RAD51B: variants seen among roughly 807,000 people sequenced by gnomAD.
RAD51B encodes the protein DNA repair protein RAD51 homolog 2.
In RAD51B, 38 loss-of-function variants were observed where a neutral mutation model predicts 42.2. That is an observed-to-expected ratio of 0.90 (90% CI 0.70 to 1.18). RAD51B has a LOEUF of 1.18. RAD51B is among the 50% of genes most tolerant of loss of function. The pLI, the probability that RAD51B is intolerant of heterozygous loss-of-function variation, is 0.00. For synonymous variants in RAD51B, 154 were observed against 145.2 expected (o/e 1.06, Z -0.43); for missense variants, 373 against 400.7 (o/e 0.93, Z 0.59).
At chr14:68,610,116 C>T (rs1891618262) in intron 10 of RAD51B, among the ~76,000 whole-genome samples, 1 of 152,178 alleles carries the variant, frequency 6.6e-6, no homozygotes, top group Non-Finnish European at 1.5e-5. Context: ...CCCTGCAGAA[C>T]TTCTCACGAA....
intron 7 of RAD51B, among the ~76,000 whole-genome samples, chr14:67,999,990 G>C (rs1197572404): frequency 1.3e-5 from 2 of 151,490 alleles, no homozygotes; most frequent in Non-Finnish European, 2.9e-5. Flanking sequence ...AAGCAATTTA[G>C]GTCTTAAAAA....
intron 8 of RAD51B, among the ~76,000 whole-genome samples, chr14:68,369,346 C>G (rs998593832): frequency 1.3e-5 from 2 of 152,222 alleles, no homozygotes; most frequent in African/African-American, 4.8e-5. Context: ...TGCCCTTCAG[C>G]ACACCGGCTC....
chr14:68,398,304 G>A (rs532913030), intron 8 of RAD51B, among the ~76,000 whole-genome samples: 44 of 152,324 alleles, frequency 2.9e-4, no homozygotes, highest in African/African-American at 1.0e-3. Flanking sequence ...ATGCACTTAG[G>A]CACTCTGGAG....
intron 3 of RAD51B, among the ~76,000 whole-genome samples, chr14:67,834,606 TAC>T (rs2041168028): frequency 1.3e-5 from 2 of 152,166 alleles, no homozygotes; most frequent in African/African-American, 4.8e-5. Context: ...ACTGTATATT[TAC>T]AGTTTGTGTT....
chr14:68,549,201 C>A lies in RAD51B; in HGVS notation c.1037-45284C>A, dbSNP rs1024181456. On this transcript the variant is annotated intron_variant, in intron 10 of 10. Coordinates refer to the RAD51B transcript ENST00000487270. ...CTCCAAGGCTGGTGACTGAGTCAGA[C>A]TTGGAACATCCCCGTTTTTGAGCCA... Among the ~76,000 whole-genome samples the A allele has an allele frequency of 2.6e-5, 4 of 151,872 alleles. No homozygotes were observed. The South Asian group carries it at 6.3e-4, about 24-fold the overall frequency.
intron 8 of RAD51B, among the ~76,000 whole-genome samples, chr14:68,393,124 G>A (rs935249325): frequency 6.6e-6 from 1 of 152,214 alleles, no homozygotes; most frequent in Admixed American, 6.5e-5. Context: ...AGTGCTTTGA[G>A]CTGCTGGGAA....
chr14:68,055,262 A>G (rs994461179), intron 7 of RAD51B, among the ~76,000 whole-genome samples: 1 of 152,214 alleles, frequency 6.6e-6, no homozygotes, highest in African/African-American at 2.4e-5. Context: ...CATGTTCAGT[A>G]TAGCTAATTT....
At chr14:67,849,350 C>T (rs776236603) in intron 4 of RAD51B, among the ~76,000 whole-genome samples, 71 of 152,184 alleles carry the variant, frequency 4.7e-4, no homozygotes, top group Non-Finnish European at 8.2e-4. Flanking sequence ...GGCGCAAACT[C>T]GACTCACTGC....
At chr14:68,666,435 T>C (rs1012698440) in intron 11 of RAD51B, among the ~76,000 whole-genome samples, 6 of 152,244 alleles carry the variant, frequency 3.9e-5, no homozygotes, top group Non-Finnish European at 7.3e-5. Flanking sequence ...GGGCCAGCAA[T>C]AGATCTGTAC....
At chr14:67,971,883 G>A (rs913010320) in intron 7 of RAD51B, among the ~76,000 whole-genome samples, 3 of 151,888 alleles carry the variant, frequency 2.0e-5, no homozygotes, top group Non-Finnish European at 2.9e-5. Flanking sequence ...ATTGAGTTCA[G>A]TGGAGGCAAA....
intron 7 of RAD51B, among the ~76,000 whole-genome samples, chr14:68,096,795 G>A (rs1256209314): frequency 1.3e-5 from 2 of 149,786 alleles, no homozygotes; most frequent in African/African-American, 2.6e-5. Context: ...AGCTGCAAAG[G>A]AATAAATGAT....
chr14:67,932,862 A>G (rs1453848865), intron 7 of RAD51B, among the ~76,000 whole-genome samples: 1 of 152,144 alleles, frequency 6.6e-6, no homozygotes, highest in Non-Finnish European at 1.5e-5. Context: ...CACAGTTACT[A>G]CTTACAGCCC....
intron 7 of RAD51B, among the ~76,000 whole-genome samples, chr14:68,162,900 C>T (rs1433321201): frequency 6.6e-6 from 1 of 152,184 alleles, no homozygotes; most frequent in African/African-American, 2.4e-5. Context: ...AATTTTCTTC[C>T]TGTAAGCATG....
chr14:68,052,798 T>G lies in RAD51B; in HGVS notation c.756+165594T>G, dbSNP rs566478667. 3.9e-4 allele frequency among the ~76,000 whole-genome samples: 56 copies of G among 141,972 alleles called. 1 individual carries two copies. The highest frequency in any genetic ancestry group is 1.2e-3 in the African/African-American group (40 of 34,016). 93.1% of individuals were successfully genotyped at this position (141,972 alleles called of 152,430 possible). A position where few individuals can be genotyped will look rare whatever the true frequency, so the allele number is the denominator to read the frequency against. ...ACCATGCCTGGCTATTTTTTTGTGT[T>G]TTTTTTTTTTTCTTTTGTAGAGACA... On this transcript the variant is annotated intron_variant, in intron 7 of 10. Transcript: ENST00000471583.
chr14:68,475,826 G>C (rs1401079475), intron 10 of RAD51B, among the ~76,000 whole-genome samples: 2 of 152,168 alleles, frequency 1.3e-5, no homozygotes, highest in African/African-American at 4.8e-5. Context: ...TCTTTGCAGA[G>C]TTAACAATTT....
chr14:68,433,386 A>G (rs2085064273), intron 9 of RAD51B, among the ~76,000 whole-genome samples: 1 of 152,130 alleles, frequency 6.6e-6, no homozygotes, highest in Non-Finnish European at 1.5e-5. Context: ...AGGTACACCA[A>G]TCAGACGTAG....
chr14:67,964,410 A>T (rs548085492), intron 7 of RAD51B, among the ~76,000 whole-genome samples: 1 of 152,336 alleles, frequency 6.6e-6, no homozygotes, highest in South Asian at 2.1e-4. Flanking sequence ...CACATCATGG[A>T]GAAGATGCCA....
At chr14:68,585,974 G>A (rs1273721242) in intron 10 of RAD51B, among the ~76,000 whole-genome samples, 1 of 152,158 alleles carries the variant, frequency 6.6e-6, no homozygotes, top group African/African-American at 2.4e-5. Context: ...CTCATCTGCT[G>A]CAGATCTCAT....
intron 11 of RAD51B, among the ~76,000 whole-genome samples, chr14:68,659,028 A>G (rs1051318457): frequency 2.0e-5 from 3 of 152,086 alleles, no homozygotes; most frequent in Non-Finnish European, 4.4e-5. Context: ...CCTCCATAAC[A>G]TGCCACCAAG....
Sources: allele counts gnomAD v4.1 joint callset (sites outside exome capture counted in the v4.1 genomes callset), GRCh38; gene constraint gnomAD v4.1.1; transcripts MANE v1.5; gene names NCBI Gene and HGNC (gene_info 2026-07-23, HGNC 2026-07-21).